The following NRG1 variants were observed in gnomAD, a reference collection of about 807,000 sequenced individuals.
NRG1 encodes pro-neuregulin-1, membrane-bound isoform.
NRG1 carries 18 observed loss-of-function variants against 63.8 expected under a neutral mutation model. The ratio of observed to expected loss-of-function variants is 0.28; its 90% confidence interval spans 0.19 to 0.42. The LOEUF (loss-of-function observed/expected upper bound fraction) is 0.42. NRG1 is among the 10% of genes least tolerant of loss of function. The probability of loss-of-function intolerance (pLI) is 1.00; values close to 1 mark genes in which losing one functional copy is unlikely to be tolerated. For missense variants in NRG1, 762 were observed against 814.7 expected, an observed-to-expected ratio of 0.94 and a Z score of 0.79; for synonymous variants, 302 against 301.3, an observed-to-expected ratio of 1.00 and a Z score of -0.02.
intron 1 of NRG1, among the ~76,000 whole-genome samples, chr8:32,269,070 C>A (rs1320733422): frequency 6.6e-6 from 1 of 152,076 alleles, no homozygotes; most frequent in Non-Finnish European, 1.5e-5. Flanking sequence ...CCTTCCCTCT[C>A]TTTTCCTCTC....
At chr8:31,919,793 A>G (rs866501815) in intron 1 of NRG1, among the ~76,000 whole-genome samples, 68 of 152,134 alleles carry the variant, frequency 4.5e-4, no homozygotes, top group African/African-American at 1.4e-3. Context: ...AAGAAAGACA[A>G]TAAGTCTGTG....
Position 32,604,715 on chromosome 8 carries a change from A to T in NRG1, c.279-847A>T, listed in dbSNP as rs58669333. On this transcript the variant is annotated intron_variant, in intron 2 of 11. Transcript: ENST00000356819. The stretch of plus-strand genomic sequence containing the variant: ...CCCAAGTAGCTGGGATTCCAGGGGC[A>T]TGCCACCACACCAGGCTTTAGAATA... Among the ~76,000 whole-genome samples, 4 of 152,118 alleles carry T rather than the reference A, an allele frequency of 2.6e-5. No individual in the cohort carries two copies. In the East Asian group the frequency reaches 7.7e-4, roughly 29 times the overall value.
chr8:31,781,691 C>T (rs1586369176), intron 1 of NRG1, among the ~76,000 whole-genome samples: 2 of 152,172 alleles, frequency 1.3e-5, no homozygotes, highest in East Asian at 3.9e-4. Context: ...CAAGATATGG[C>T]TCTGAATTAT....
At chr8:32,109,919 C>T (rs1190047425) in intron 1 of NRG1, among the ~76,000 whole-genome samples, 1 of 152,104 alleles carries the variant, frequency 6.6e-6, no homozygotes, top group Non-Finnish European at 1.5e-5. Context: ...ATGGACATGG[C>T]CAAATCTCTT....
At chr8:32,650,196 A>G (rs1203155301) in intron 5 of NRG1, among the ~76,000 whole-genome samples, 3 of 152,190 alleles carry the variant, frequency 2.0e-5, no homozygotes, top group African/African-American at 7.2e-5. Flanking sequence ...GTGTTTTAGT[A>G]GATTACATAT....
At chr8:31,941,864 C>A (rs1801803896) in intron 1 of NRG1, among the ~76,000 whole-genome samples, 13 of 152,090 alleles carry the variant, frequency 8.5e-5, no homozygotes, top group Admixed American at 8.5e-4. Context: ...AGGAAAACTA[C>A]AAAACACTGC....
intron 1 of NRG1, among the ~76,000 whole-genome samples, chr8:31,840,038 T>C (rs1024486171): frequency 1.3e-5 from 2 of 152,190 alleles, no homozygotes; most frequent in Admixed American, 1.3e-4. Context: ...AACCAAATGT[T>C]CTGAGCGTCC....
At chr8:32,180,583 A>G (rs1290060006) in intron 1 of NRG1, among the ~76,000 whole-genome samples, 1 of 152,152 alleles carries the variant, frequency 6.6e-6, no homozygotes, top group Non-Finnish European at 1.5e-5. Context: ...GACAAAAATC[A>G]CAAGTACTGT....
At chr8:32,767,830 G>A (rs927060666) in exon 12 of NRG1, 3 of 151,978 alleles carry the variant, frequency 2.0e-5, no homozygotes, top group African/African-American at 7.2e-5. Flanking sequence ...CACATTGAAG[G>A]CCGTGAGGTA....
intron 4 of NRG1, among the ~76,000 whole-genome samples, chr8:32,615,396 C>CA (rs1222005972): frequency 6.6e-6 from 1 of 152,024 alleles, no homozygotes; most frequent in Non-Finnish European, 1.5e-5. Flanking sequence ...TTTTCTTTTA[C>CA]AAAAATTCTT....
intron 1 of NRG1, among the ~76,000 whole-genome samples, chr8:32,175,039 T>A (rs1451966164): frequency 6.6e-6 from 1 of 152,130 alleles, no homozygotes; most frequent in Non-Finnish European, 1.5e-5. Flanking sequence ...TAAAGAGAAT[T>A]TTAGACCAAT....
At chr8:32,734,195 A>G (rs1308105065) in intron 6 of NRG1, among the ~76,000 whole-genome samples, 1 of 152,212 alleles carries the variant, frequency 6.6e-6, no homozygotes, top group Non-Finnish European at 1.5e-5. Flanking sequence ...CAAAGACATC[A>G]AAGGCACTAG....
chr8:32,152,026 T>C (rs1837555810), intron 1 of NRG1, among the ~76,000 whole-genome samples: 1 of 152,202 alleles, frequency 6.6e-6, no homozygotes, highest in African/African-American at 2.4e-5. Context: ...AGATTCTAGT[T>C]GTTTGTATTT....
intron 1 of NRG1, among the ~76,000 whole-genome samples, chr8:32,553,982 G>A (rs974859969): frequency 1.3e-5 from 2 of 152,044 alleles, no homozygotes; most frequent in Non-Finnish European, 2.9e-5. Context: ...AGTTAAATTG[G>A]ATTTGAACAG....
At chr8:32,696,742 A>C (rs1013816289) in intron 5 of NRG1, among the ~76,000 whole-genome samples, 17 of 145,728 alleles carry the variant, frequency 1.2e-4, no homozygotes, top group African/African-American at 4.3e-4. Context: ...ACTCACTACA[A>C]CCTCCGCCTC....
At chr8:32,648,440 G>T in intron 5 of NRG1, 1 of 1,574,234 alleles carries the variant, frequency 6.4e-7, no homozygotes, top group Admixed American at 1.8e-5. Context: ...GGGTGGGTTT[G>T]AGGTCCCCAA....
chr8:31,951,011 C>T (rs1002154157), intron 1 of NRG1, among the ~76,000 whole-genome samples: 7 of 152,276 alleles, frequency 4.6e-5, no homozygotes, highest in African/African-American at 9.6e-5. Context: ...GCATTACATT[C>T]GGTGACAGTT....
chr8:32,546,919 C>T (rs773743135), upstream of NRG1, among the ~76,000 whole-genome samples: 14 of 152,130 alleles, frequency 9.2e-5, no homozygotes, highest in Non-Finnish European at 2.1e-4. Flanking sequence ...ATTTAAATTG[C>T]GGCCATCAGA....
intron 1 of NRG1, chr8:32,063,001 G>A (rs911158830): frequency 6.6e-6 from 1 of 152,090 alleles, no homozygotes; most frequent in Non-Finnish European, 1.5e-5. Flanking sequence ...AAAGGATGTT[G>A]CACTGTATGT....
Sources: gnomAD v4.1 joint callset for allele counts (sites outside exome capture counted in the v4.1 genomes callset) on GRCh38, gnomAD v4.1.1 for gene constraint, MANE v1.5 for transcripts, NCBI Gene and HGNC (gene_info 2026-07-23, HGNC 2026-07-21) for gene names.